The following COLQ variants were observed in gnomAD, a reference collection of about 807,000 sequenced individuals.
The protein encoded by COLQ is collagen like tail subunit of asymmetric acetylcholinesterase.
A neutral mutation model predicts 69.0 loss-of-function variants in COLQ; 48 were observed. The observed-to-expected ratio is 0.70, with a 90% CI of 0.55 to 0.88. COLQ has a LOEUF of 0.88. Ranked by LOEUF, COLQ falls within the 40% of genes least tolerant of loss-of-function variation. The pLI is 0.00. For missense variants in COLQ, 618 were observed against 594.6 expected (o/e 1.04, Z -0.41); for synonymous variants, 217 against 211.2 (o/e 1.03, Z -0.24).
intron 16 of COLQ, among the ~76,000 whole-genome samples, chr3:15,453,310 T>C (rs2061975244): frequency 6.6e-6 from 1 of 152,174 alleles, no homozygotes. Context: ...AGGGAGTATT[T>C]TCTTGGAGGG....
chr3:15,462,633 A>C (rs1467379155), intron 12 of COLQ, among the ~76,000 whole-genome samples: 2 of 152,158 alleles, frequency 1.3e-5, no homozygotes, highest in African/African-American at 4.8e-5. Context: ...GGGGATGTGA[A>C]GCTGACTCAG....
intron 15 of COLQ, 158 bp from the exon 16 acceptor site, chr3:15,454,089 A>C: frequency 3.1e-6 from 2 of 649,716 alleles, no homozygotes; most frequent in Non-Finnish European, 5.6e-6. Flanking sequence ...GGGACTGCCC[A>C]CAGGCTCTGG....
chr3:15,521,132 C>G (rs1219369421), intron 1 of COLQ, among the ~76,000 whole-genome samples: 2 of 152,204 alleles, frequency 1.3e-5, no homozygotes, highest in Non-Finnish European at 2.9e-5. Flanking sequence ...GTGAGGCAAG[C>G]CCCCTTCGAA....
chr3:15,470,654 G>A (rs2062267614), intron 10 of COLQ, 38 bp from the exon 11 acceptor site: 1 of 1,592,044 alleles, frequency 6.3e-7, no homozygotes, highest in Non-Finnish European at 8.6e-7. Context: ...AGGACTTAGG[G>A]CATGTGGAGT....
intron 1 of COLQ, among the ~76,000 whole-genome samples, chr3:15,520,161 C>T (rs1008199724): frequency 1.3e-5 from 2 of 152,224 alleles, no homozygotes; most frequent in African/African-American, 4.8e-5. Context: ...TCAAGCTTCT[C>T]CCTTGAACTG....
Position 15,475,452 on chromosome 3 carries a change from T to G in COLQ, c.501A>C (p.Pro167=), listed in dbSNP as rs1465514441. 1.2e-6 allele frequency: 2 copies of G among 1,602,052 alleles called. No homozygotes were observed. The highest frequency in any genetic ancestry group is 1.7e-5 in the Admixed American group (1 of 58,696). The change falls in exon 7 of 17, where the codon CCA becomes CCC. Residue 167 remains proline (P), a synonymous_variant. Transcript: ENST00000383788. ...TGGAGCCCATTGGTCCTCTTGACCC[T>G]GGCAAGCCCATCATACCCAGGTCAC... ...EKGDLGMMGL[P]GSRGPMGSKG... is the part of the protein sequence containing the mutation.
intron 1 of COLQ, among the ~76,000 whole-genome samples, chr3:15,490,219 G>T (rs919363754): frequency 1.3e-5 from 2 of 152,206 alleles, no homozygotes; most frequent in Admixed American, 1.3e-4. Context: ...GAAATAAAGG[G>T]AGGGCCCTGA....
At chr3:15,492,743 T>G (rs939323414) in intron 1 of COLQ, among the ~76,000 whole-genome samples, 1 of 152,198 alleles carries the variant, frequency 6.6e-6, no homozygotes, top group Non-Finnish European at 1.5e-5. Context: ...GAATGTTCCT[T>G]GGGACATTTC....
intron 3 of COLQ, among the ~76,000 whole-genome samples, chr3:15,486,164 T>A (rs144178393): frequency 8.0e-4 from 122 of 152,334 alleles, no homozygotes; most frequent in Middle Eastern, 3.4e-3. Flanking sequence ...GCCTTAGTTC[T>A]TTCTGTTTCT....
intron 1 of COLQ, among the ~76,000 whole-genome samples, chr3:15,519,212 C>G (rs561051672): frequency 6.6e-6 from 1 of 152,198 alleles, no homozygotes; most frequent in South Asian, 2.1e-4. Context: ...GTCTAATGAC[C>G]ACATTCCCAG....
chr3:15,453,616 C>T (rs1002418948), intron 16 of COLQ, among the ~76,000 whole-genome samples: 2 of 152,088 alleles, frequency 1.3e-5, no homozygotes, highest in East Asian at 1.9e-4. Flanking sequence ...CTGTGGGTGC[C>T]GTGGCTCAGT....
In COLQ at chr3:15,473,583, G is replaced by C. The variant is rs2062327005; in HGVS notation, c.636+417C>G. On this transcript the variant is annotated intron_variant, in intron 10 of 16. Coordinates refer to ENST00000383788, the MANE Select transcript of COLQ (RefSeq NM_005677.4). This position sits in a 1 kb window ranked among gnomAD's most constrained non-coding sequence, Gnocchi z 4.0. ...TGAAGAAGGACTGCAATAAGGCACA[G>C]TGACCTTAAGCTAAAGACACCTGTG... Among the ~76,000 whole-genome samples the C allele has an allele frequency of 1.3e-5, 2 of 152,202 alleles. No individual in the cohort carries two copies. The highest frequency in any genetic ancestry group is 2.9e-5 in the Non-Finnish European group (2 of 68,030).
Position 15,456,484 on chromosome 3 carries a change from G to A in COLQ, c.1050C>T (p.Asp350=), listed in dbSNP as rs2062026690. The change falls in exon 14 of 17, where the codon GAC becomes GAT. Residue 350 remains aspartate (D), a synonymous_variant. Transcript: ENST00000383788. The stretch of plus-strand genomic sequence containing the variant: ...CCTGGATGGGGAGCCAGCCAAGGCT[G>A]TCCTTGAAGTACAGAGATCTCTGGT... The part of the protein sequence containing the change: ...RRDQRSLYFK[D]SLGWLPIQLT... The A allele has an allele frequency of 6.2e-7, 1 of 1,614,084 alleles. No individual in the cohort carries two copies. The highest frequency in any genetic ancestry group is 1.7e-5 in the Admixed American group (1 of 59,998).
At chr3:15,498,897 AT>A (rs765848567) in intron 1 of COLQ, 3 of 1,314,900 alleles carry the variant, frequency 2.3e-6, no homozygotes, top group Non-Finnish European at 1.9e-6. Context: ...AGGGATACTT[AT>A]CCCCCTGCAA....
At chr3:15,517,639 TCAAC>T (rs1444185579) in intron 1 of COLQ, among the ~76,000 whole-genome samples, 1 of 152,088 alleles carries the variant, frequency 6.6e-6, no homozygotes, top group African/African-American at 2.4e-5. Flanking sequence ...CACATGAACT[TCAAC>T]AATAAATGGT....
chr3:15,499,080 T>C (rs1159971610), intron 1 of COLQ, among the ~76,000 whole-genome samples: 2 of 147,586 alleles, frequency 1.4e-5, no homozygotes, highest in African/African-American at 2.5e-5. Context: ...AAGACCTTCA[T>C]GGCCAGGGGT....
intron 1 of COLQ, chr3:15,498,488 T>TGCACACAC (rs1268556792): frequency 7.3e-7 from 1 of 1,361,540 alleles, no homozygotes; most frequent in African/African-American, 1.8e-5. Flanking sequence ...CACACACACG[T>TGCACACAC]GCACACACGC....
At chr3:15,456,404 G>A in intron 14 of COLQ, 56 bp downstream of exon 14, 1 of 1,608,060 alleles carries the variant, frequency 6.2e-7, no homozygotes, top group Non-Finnish European at 8.5e-7. Context: ...TTCCTTTAAT[G>A]GATGCATCTC....
chr3:15,466,108 T>C (rs139877307), intron 12 of COLQ, among the ~76,000 whole-genome samples: 126 of 152,386 alleles, frequency 8.3e-4, no homozygotes, highest in Middle Eastern at 3.4e-3. Context: ...ATGTGCTTTT[T>C]TTCTGTCCTC....
Sources: allele counts gnomAD v4.1 joint callset (sites outside exome capture counted in the v4.1 genomes callset), GRCh38; gene constraint gnomAD v4.1.1; non-coding constraint Gnocchi (gnomAD v3.1); transcripts MANE v1.5; gene names NCBI Gene and HGNC (gene_info 2026-07-23, HGNC 2026-07-21).